KIF5B: variants seen among roughly 807,000 people sequenced by gnomAD.
KIF5B encodes the protein kinesin family member 5B.
Under a neutral mutation model 132.8 loss-of-function variants are expected in KIF5B, and 49 were observed. The observed-to-expected ratio is 0.37, with a 90% CI of 0.29 to 0.47. KIF5B has a LOEUF of 0.47. KIF5B is among the 20% of genes least tolerant of loss of function. The pLI, the probability that KIF5B is intolerant of heterozygous loss-of-function variation, is 1.00. For synonymous variants in KIF5B, 355 were observed against 369.4 expected (o/e 0.96, Z 0.45); for missense variants, 780 against 1,144.0 (o/e 0.68, Z 4.59).
At position 32,031,994 on chromosome 10, in the gene KIF5B, C is replaced by T. The variant is rs374320355; in HGVS notation, c.1374+712G>A. 8.6e-5 allele frequency among the ~76,000 whole-genome samples: 13 copies of T among 150,306 alleles called. No individual in the cohort carries two copies. The East Asian group carries it at 1.4e-3, about 16-fold the overall frequency. ...AGCCTGGGGAACAAGAGCAAGACTT[C>T]GCCTCAAAAACAAAAACAAAACCTG... On this transcript the variant is annotated intron_variant, in intron 13 of 25. Transcript: ENST00000302418.
At chr10:32,034,060 G>T in intron 11 of KIF5B, 22 bp from the exon 12 acceptor site, 6 of 1,434,800 alleles carry the variant, frequency 4.2e-6, no homozygotes, top group Non-Finnish European at 3.7e-6. Flanking sequence ...AAATAAAGTG[G>T]TTAATAAAAA....
intron 15 of KIF5B, among the ~76,000 whole-genome samples, chr10:32,027,114 T>C (rs927174591): frequency 2.6e-5 from 4 of 152,252 alleles, no homozygotes; most frequent in Admixed American, 6.5e-5. Context: ...GATGGAAATG[T>C]GTACTCCATA....
chr10:32,035,714 G>C, intron 9 of KIF5B, 47 bp from the exon 10 acceptor site: 2 of 1,522,692 alleles, frequency 1.3e-6, no homozygotes, highest in Non-Finnish European at 1.8e-6. Context: ...ATAATAAAAT[G>C]TTATTATAAA....
At position 32,030,273 on chromosome 10, in the gene KIF5B, T is replaced by C. The variant is rs552321408; in HGVS notation, c.1581+800A>G. ...GGCTCACGCCTGTAATCCCAGCACT[T>C]TGGGAGGCTGAGGTGGGTGGATCAC... On this transcript the variant is annotated intron_variant, in intron 14 of 25. Transcript: ENST00000302418. Among the ~76,000 whole-genome samples, 8 of 152,176 alleles carry C rather than the reference T, an allele frequency of 5.3e-5. No individual in the cohort carries two copies. The South Asian group carries it at 6.2e-4, about 12-fold the overall frequency.
rs538770266 is a variant in KIF5B, at chr10:32,046,359, CATG to C, written c.214+2102_214+2104del. Among the ~76,000 whole-genome samples, 1,220 of 152,284 alleles carry C rather than the reference CATG, an allele frequency of 8.0e-3. 8 individuals carry two copies. Among genetic ancestry groups the C allele is most frequent in the Non-Finnish European group, 0.012 (836 of 68,024 alleles). ...CTGGAAAACCACATGATGCTTACAA[CATG>C]ATGACCCTGTTCCTCTTTGTTGCAG... is the stretch of plus-strand genomic sequence containing the variant. On this transcript the variant is annotated intron_variant, in intron 2 of 25. Coordinates refer to ENST00000302418, the MANE Select transcript of KIF5B (RefSeq NM_004521.3).
At chr10:32,050,939 CAAAAAG>C (rs1310602187) in intron 1 of KIF5B, among the ~76,000 whole-genome samples, 2 of 152,034 alleles carry the variant, frequency 1.3e-5, no homozygotes, top group Non-Finnish European at 2.9e-5. Context: ...TTTTTCTATG[CAAAAAG>C]AAAGTAATTT....
At chr10:32,050,742 A>G (rs549444988) in intron 1 of KIF5B, among the ~76,000 whole-genome samples, 1 of 152,252 alleles carries the variant, frequency 6.6e-6, no homozygotes, top group Non-Finnish European at 1.5e-5. Flanking sequence ...TAGTTGTGAC[A>G]TATGTGAACG....
intron 10 of KIF5B, 24 bp downstream of exon 10, chr10:32,035,498 T>G: frequency 6.3e-7 from 1 of 1,591,910 alleles, no homozygotes. Flanking sequence ...TAAATTTAGG[T>G]TTTGTACTTT....
At chr10:32,026,467 G>A (rs1183001819) in intron 15 of KIF5B, among the ~76,000 whole-genome samples, 9 of 91,002 alleles carry the variant, frequency 9.9e-5, no homozygotes, top group South Asian at 3.7e-4. Context: ...AAAAAGTAAC[G>A]CTCTAACAGA....
intron 10 of KIF5B, among the ~76,000 whole-genome samples, chr10:32,035,207 CTACAGG>C: frequency 6.6e-6 from 1 of 152,320 alleles, no homozygotes; most frequent in African/African-American, 2.4e-5. Context: ...TCATGCATGT[CTACAGG>C]CTTAACAGAG....
intron 1 of KIF5B, among the ~76,000 whole-genome samples, chr10:32,051,517 G>C (rs951670734): frequency 6.6e-6 from 1 of 152,124 alleles, no homozygotes; most frequent in African/African-American, 2.4e-5. Flanking sequence ...TCAACTCCAA[G>C]CAAATATATA....
chr10:32,011,913 A>C (rs1326851545), intron 25 of KIF5B, among the ~76,000 whole-genome samples: 1 of 151,276 alleles, frequency 6.6e-6, no homozygotes, highest in African/African-American at 2.4e-5. Context: ...ACTACTAGTT[A>C]TATACATAGA....
At chr10:32,038,597 GCTTTAAACTAGTTATT>G (rs1564468864) in intron 5 of KIF5B, among the ~76,000 whole-genome samples, 165 bp downstream of exon 5, 3 of 152,044 alleles carry the variant, frequency 2.0e-5, no homozygotes, top group Non-Finnish European at 1.5e-5. Context: ...CATAAACATC[GCTTTAAACTAGTTATT>G]CTATTTAAAG....
At chr10:32,048,652 GTA>G (rs1290871006) in intron 1 of KIF5B, 101 bp from the exon 2 acceptor site, 8 of 714,574 alleles carry the variant, frequency 1.1e-5, no homozygotes, top group Admixed American at 8.2e-5. Flanking sequence ...CCTCAAAATA[GTA>G]TACCTAGTAT....
intron 2 of KIF5B, among the ~76,000 whole-genome samples, chr10:32,046,161 A>T (rs1370695173): frequency 1.3e-5 from 2 of 152,162 alleles, no homozygotes; most frequent in Non-Finnish European, 2.9e-5. Flanking sequence ...ATGGGGCTTA[A>T]AGCTGGCGGC....
rs1441428611 is a variant in KIF5B at position 32,022,120 on chromosome 10, T to TA, written c.2032+19dup. ...AAAATAAGAACACAGATGTAACTCATAAACAGTTGGAAGCTATACCTTGTG... is the reference window on the plus strand; with the variant it reads ...AAAATAAGAACACAGATGTAACTCATAAAACAGTTGGAAGCTATACCTTGTG... On this transcript the variant is annotated intron_variant, in intron 17 of 25. Transcript: ENST00000302418. 1 of 1,213,844 alleles carries TA rather than the reference T, an allele frequency of 8.2e-7. No individual in the cohort carries two copies. The highest frequency in any genetic ancestry group is 1.5e-5 in the African/African-American group (1 of 65,856). The allele number at this position is 1,213,844 out of a possible 1,614,324, so 75.2% of individuals were successfully genotyped here.
Position 32,034,670 on chromosome 10 carries a change from A to T in KIF5B, c.1111+20T>A. ...ATCTGTATTTAACAAACTGAAGATG[A>T]CAAATTCTTAAGTTATTACCATTAC... is the stretch of plus-strand genomic sequence containing the variant. On this transcript the variant is annotated intron_variant, in intron 11 of 25. Coordinates refer to ENST00000302418, the MANE Select transcript of KIF5B (RefSeq NM_004521.3). 6.6e-7 allele frequency: 1 copy of T among 1,523,326 alleles called. No individual in the cohort carries two copies. The allele number at this position is 1,523,326 out of a possible 1,614,324, so 94.4% of individuals were successfully genotyped here. A position where few individuals can be genotyped will look rare whatever the true frequency, so the allele number is the denominator to read the frequency against.
At chr10:32,017,416 T>C (rs1323695928) in intron 23 of KIF5B, 57 bp from the exon 24 acceptor site, 1 of 1,325,792 alleles carries the variant, frequency 7.5e-7, no homozygotes, top group Non-Finnish European at 1.1e-6. Flanking sequence ...CTTGAAAAAG[T>C]ATGAGCATTT....
At chr10:32,017,059 C>T (rs1428608648) in intron 24 of KIF5B, 84 bp downstream of exon 24, 2 of 1,096,996 alleles carry the variant, frequency 1.8e-6, no homozygotes, top group African/African-American at 1.5e-5. Context: ...ACCATGACAA[C>T]ACATAAAATT....
Sources: allele counts gnomAD v4.1 joint callset (sites outside exome capture counted in the v4.1 genomes callset), GRCh38; gene constraint gnomAD v4.1.1; transcripts MANE v1.5; gene names NCBI Gene and HGNC (gene_info 2026-07-23, HGNC 2026-07-21).